NRXN3: variants seen among roughly 807,000 people sequenced by gnomAD.
NRXN3 encodes the protein neurexin 3.
In NRXN3, 32 loss-of-function variants were observed where a neutral mutation model predicts 137.6. The ratio of observed to expected loss-of-function variants is 0.23; its 90% confidence interval spans 0.18 to 0.31. The LOEUF is 0.31. Ranked by LOEUF, NRXN3 falls within the 10% of genes least tolerant of loss-of-function variation. The pLI, the probability that NRXN3 is intolerant of heterozygous loss-of-function variation, is 1.00. For synonymous variants in NRXN3, 798 were observed against 784.5 expected, an observed-to-expected ratio of 1.02 and a Z score of -0.29; for missense variants, 1,574 against 2,062.5, an observed-to-expected ratio of 0.76 and a Z score of 4.59.
chr14:78,918,298 A>AAAAAG (rs1555576092), intron 10 of NRXN3, among the ~76,000 whole-genome samples: 16 of 149,594 alleles, frequency 1.1e-4, no homozygotes, highest in African/African-American at 4.0e-4. Flanking sequence ...AAAAAAAAAA[A>AAAAAG]AAAAAAAAAG....
At chr14:78,192,829 A>G (rs2060875316) in intron 1 of NRXN3, among the ~76,000 whole-genome samples, 1 of 152,170 alleles carries the variant, frequency 6.6e-6, no homozygotes, top group Non-Finnish European at 1.5e-5. Flanking sequence ...ACTGAGCTTG[A>G]ACCTTCGCAT....
chr14:78,984,488 T>C (rs1183066671), intron 14 of NRXN3, among the ~76,000 whole-genome samples: 3 of 152,224 alleles, frequency 2.0e-5, no homozygotes, highest in Admixed American at 6.5e-5. Flanking sequence ...AAGCTCATTT[T>C]GAGCTGAAAC....
intron 16 of NRXN3, among the ~76,000 whole-genome samples, chr14:79,651,974 C>T (rs2098478444): frequency 2.0e-5 from 3 of 152,140 alleles, no homozygotes. Flanking sequence ...TGAGAGGCTT[C>T]CTATTGAAAG....
Position 79,727,747 on chromosome 14 carries a change from G to A in NRXN3, c.4014+29810G>A, listed in dbSNP as rs189065086. ...TGTTGCTTTATGGCAATAAATAAAC[G>A]AACCCCCATTGTGCAAATATTATGC... On this transcript the variant is annotated intron_variant, in intron 19 of 20. Coordinates refer to ENST00000335750, the MANE Select transcript of NRXN3 (RefSeq NM_001330195.2). Among the ~76,000 whole-genome samples the A allele has an allele frequency of 3.4e-4, 51 of 152,026 alleles. 1 individual carries two copies. The highest frequency in any genetic ancestry group is 2.4e-3 in the Admixed American group (37 of 15,262).
intron 4 of NRXN3, among the ~76,000 whole-genome samples, chr14:78,372,177 T>A (rs8007731): frequency 0.98 from 147,990 of 151,466 alleles, 72,346 homozygotes; most frequent in Non-Finnish European, 1. Flanking sequence ...AAAAAAAAAT[T>A]TTTACCAGAA....
chr14:79,484,953 A>G (rs1004701184), intron 16 of NRXN3, among the ~76,000 whole-genome samples: 1 of 152,210 alleles, frequency 6.6e-6, no homozygotes, highest in African/African-American at 2.4e-5. Context: ...CTTTCATATT[A>G]AGCATAGAAT....
At chr14:79,716,188 G>T (rs1369309548) in intron 19 of NRXN3, among the ~76,000 whole-genome samples, 2 of 152,172 alleles carry the variant, frequency 1.3e-5, no homozygotes, top group Non-Finnish European at 2.9e-5. Context: ...CTATGCCAAA[G>T]GTGCAGATCC....
intron 15 of NRXN3, among the ~76,000 whole-genome samples, chr14:79,071,204 CGG>C (rs1568185365): frequency 2.4e-5 from 3 of 127,194 alleles, no homozygotes. Flanking sequence ...TCTAATTTAG[CGG>C]AAGAAACACA....
chr14:79,102,757 A>G (rs2051585146), intron 15 of NRXN3, among the ~76,000 whole-genome samples: 2 of 152,194 alleles, frequency 1.3e-5, no homozygotes, highest in East Asian at 1.9e-4. Context: ...TATCAGGCCA[A>G]TTAGGCAAGG....
chr14:78,299,216 C>T (rs1017753586), intron 4 of NRXN3, among the ~76,000 whole-genome samples: 1 of 152,024 alleles, frequency 6.6e-6, no homozygotes, highest in African/African-American at 2.4e-5. Flanking sequence ...AGAAGGGGCT[C>T]CAGAAGAGGC....
At chr14:78,886,832 G>C in intron 10 of NRXN3, among the ~76,000 whole-genome samples, 1 of 152,106 alleles carries the variant, frequency 6.6e-6, no homozygotes, top group East Asian at 1.9e-4. Context: ...TGCCCCAATG[G>C]CCCAGGCTGT....
intron 15 of NRXN3, among the ~76,000 whole-genome samples, chr14:79,269,894 T>C (rs1043883263): frequency 6.6e-6 from 1 of 152,222 alleles, no homozygotes; most frequent in African/African-American, 2.4e-5. Context: ...AATGAAGTCC[T>C]AGTACAACAA....
chr14:79,339,130 T>C (rs1411496974), intron 15 of NRXN3, among the ~76,000 whole-genome samples: 1 of 152,074 alleles, frequency 6.6e-6, no homozygotes, highest in Non-Finnish European at 1.5e-5. Flanking sequence ...GTTGCTGCAG[T>C]GCAATGGAGC....
chr14:79,661,839 A>C (rs1190407063), intron 16 of NRXN3: 1 of 152,084 alleles, frequency 6.6e-6, no homozygotes, highest in East Asian at 1.9e-4. Flanking sequence ...ACTGTGACTC[A>C]GTCTTGTAGA....
chr14:79,129,526 C>T lies in NRXN3; in HGVS notation c.3262+141385C>T, dbSNP rs1292244916. On this transcript the variant is annotated intron_variant, in intron 15 of 20. Transcript: ENST00000335750. ...TTAATCCTGAGTTCTAGTTTGATTGCACTGTGGTCTGAGAGATAGTTTGTT... is the reference window on the plus strand; with the variant it reads ...TTAATCCTGAGTTCTAGTTTGATTGTACTGTGGTCTGAGAGATAGTTTGTT... Among the ~76,000 whole-genome samples the T allele has an allele frequency of 7.3e-3, 1,046 of 143,132 alleles. 16 individuals carry two copies. Among genetic ancestry groups the T allele is most frequent in the African/African-American group, 0.026 (988 of 37,724 alleles). The allele number at this position is 143,132 out of a possible 152,430, so 93.9% of individuals were successfully genotyped here. A position where few individuals can be genotyped will look rare whatever the true frequency, so the allele number is the denominator to read the frequency against.
intron 15 of NRXN3, among the ~76,000 whole-genome samples, chr14:79,212,497 T>A (rs1327963946): frequency 6.6e-6 from 1 of 152,154 alleles, no homozygotes; most frequent in Non-Finnish European, 1.5e-5. Context: ...TCTTAAAAAA[T>A]CCCAACCACT....
chr14:78,213,001 A>C (rs891436897), intron 1 of NRXN3, among the ~76,000 whole-genome samples: 10 of 152,314 alleles, frequency 6.6e-5, no homozygotes, highest in Non-Finnish European at 1.2e-4. Context: ...AGCATCTCTA[A>C]GGACCTGGGT....
intron 16 of NRXN3, among the ~76,000 whole-genome samples, chr14:79,568,038 C>G (rs2097566217): frequency 6.6e-6 from 1 of 152,078 alleles, no homozygotes; most frequent in Non-Finnish European, 1.5e-5. Flanking sequence ...CTAGAGCATG[C>G]TTTATTTCAA....
chr14:78,939,072 C>T (rs2099348039), intron 10 of NRXN3, among the ~76,000 whole-genome samples: 1 of 151,868 alleles, frequency 6.6e-6, no homozygotes. Context: ...GTCTCGATCT[C>T]CTGACCTCGT....
Sources: allele counts gnomAD v4.1 joint callset (sites outside exome capture counted in the v4.1 genomes callset), GRCh38; gene constraint gnomAD v4.1.1; transcripts MANE v1.5; gene names NCBI Gene and HGNC (gene_info 2026-07-23, HGNC 2026-07-21).